Variants in CLOCK observed in about 807,000 individuals in gnomAD.
CLOCK encodes circadian locomoter output cycles protein kaput.
In CLOCK, 43 loss-of-function variants were observed where a neutral mutation model predicts 118.4. The ratio of observed to expected loss-of-function variants is 0.36; its 90% CI spans 0.28 to 0.47. The LOEUF (loss-of-function observed/expected upper bound fraction) is 0.47. Ranked by LOEUF, CLOCK falls within the 20% of genes least tolerant of loss-of-function variation. The probability of loss-of-function intolerance (pLI) is 1.00; values close to 1 mark genes in which losing one functional copy is unlikely to be tolerated. For missense variants in CLOCK, 846 were observed against 999.9 expected (o/e 0.85, Z 2.08); for synonymous variants, 326 against 339.2 (o/e 0.96, Z 0.43).
chr4:55,475,027 A>T (rs1315175095), intron 7 of CLOCK, among the ~76,000 whole-genome samples: 3 of 152,196 alleles, frequency 2.0e-5, no homozygotes, highest in Non-Finnish European at 4.4e-5. Context: ...TCCCATAGAT[A>T]GTGATTCATG....
At chr4:55,451,344 C>G (rs1724429961) in intron 15 of CLOCK, among the ~76,000 whole-genome samples, 1 of 152,180 alleles carries the variant, frequency 6.6e-6, no homozygotes, top group Non-Finnish European at 1.5e-5. Context: ...CACTGATACT[C>G]TTGTCTTCTA....
intron 1 of CLOCK, among the ~76,000 whole-genome samples, chr4:55,541,842 A>G (rs77602326): frequency 0.038 from 5,113 of 134,676 alleles, 101 homozygotes; most frequent in Non-Finnish European, 0.06. Flanking sequence ...CTAAAAGAAC[A>G]TAACAACTCC....
chr4:55,460,252 C>T (rs534000992), intron 9 of CLOCK, among the ~76,000 whole-genome samples: 1 of 152,292 alleles, frequency 6.6e-6, no homozygotes, highest in East Asian at 1.9e-4. Context: ...CTATTCCTAT[C>T]TCTTCTGCTA....
chr4:55,494,874 G>C (rs1431505891), intron 2 of CLOCK, among the ~76,000 whole-genome samples: 1 of 152,164 alleles, frequency 6.6e-6, no homozygotes, highest in Non-Finnish European at 1.5e-5. Flanking sequence ...CTGACACCTT[G>C]GGTTCAGGTC....
rs899952502 is a variant in CLOCK at position 55,431,413 on chromosome 4, T to C, written c.*4002A>G. The C allele has an allele frequency of 6.6e-6, 1 of 152,214 alleles. No individual in the cohort carries two copies. The highest frequency in any genetic ancestry group is 2.4e-5 in the African/African-American group (1 of 41,466). The allele number at this position is 152,214 out of a possible 1,614,324, so 9.4% of individuals were successfully genotyped here. A position where few individuals can be genotyped will look rare whatever the true frequency, so the allele number is the denominator to read the frequency against. ...AATAGTCGATTCTATTCCTTTGCAA[T>C]TACTTCAGAAGCTCCTTTTAGAAGA... On this transcript the variant is annotated 3_prime_UTR_variant, in exon 23 of 23. Coordinates refer to ENST00000513440, the MANE Select transcript of CLOCK (RefSeq NM_004898.4).
chr4:55,477,580 A>C (rs1453569622), intron 6 of CLOCK, among the ~76,000 whole-genome samples: 1 of 152,152 alleles, frequency 6.6e-6, no homozygotes, highest in Non-Finnish European at 1.5e-5. Context: ...AACTTGACAA[A>C]ATGAAAATAA....
chr4:55,491,209 T>G (rs1240323926), intron 2 of CLOCK, among the ~76,000 whole-genome samples: 1 of 44,706 alleles, frequency 2.2e-5, no homozygotes, highest in Non-Finnish European at 4.5e-5. Context: ...GCATTAAAAA[T>G]GAAGAAAGAT....
chr4:55,488,997 T>G (rs1247053567), intron 3 of CLOCK, among the ~76,000 whole-genome samples: 1 of 152,208 alleles, frequency 6.6e-6, no homozygotes, highest in Non-Finnish European at 1.5e-5. Flanking sequence ...CCTCCCAAAC[T>G]GCTAGGATTA....
chr4:55,467,848 T>C (rs942665811), intron 8 of CLOCK, among the ~76,000 whole-genome samples: 1 of 152,230 alleles, frequency 6.6e-6, no homozygotes, highest in African/African-American at 2.4e-5. Flanking sequence ...TCCTACTATT[T>C]GAGCTTACTA....
intron 3 of CLOCK, among the ~76,000 whole-genome samples, chr4:55,483,823 G>T (rs1025406636): frequency 1.3e-5 from 2 of 152,168 alleles, no homozygotes; most frequent in African/African-American, 4.8e-5. Flanking sequence ...TTACTATAAA[G>T]AGTCTCATAC....
chr4:55,489,145 G>A lies in CLOCK; in HGVS notation c.-44+229C>T, dbSNP rs138814381. On this transcript the variant is annotated intron_variant, in intron 3 of 22. Coordinates refer to ENST00000513440, the MANE Select transcript of CLOCK (RefSeq NM_004898.4). ...GTGTATTATTCTTCTTCTAGAAGGCGGTTCTCATGACAGCAGGGACAGCTT... is the reference window on the plus strand; with the variant it reads ...GTGTATTATTCTTCTTCTAGAAGGCAGTTCTCATGACAGCAGGGACAGCTT... Among the ~76,000 whole-genome samples, 38 of 152,264 alleles carry A rather than the reference G, an allele frequency of 2.5e-4. No individual in the cohort carries two copies. The East Asian group carries it at 4.8e-3, about 19-fold the overall frequency.
chr4:55,540,095 C>T (rs1421175930), intron 1 of CLOCK, among the ~76,000 whole-genome samples: 1 of 150,770 alleles, frequency 6.6e-6, no homozygotes, highest in Admixed American at 6.6e-5. Context: ...GCAACCTCTG[C>T]CTCCTGGGTT....
intron 11 of CLOCK, among the ~76,000 whole-genome samples, chr4:55,457,524 T>C (rs1454544478): frequency 2.0e-5 from 3 of 152,226 alleles, no homozygotes; most frequent in African/African-American, 4.8e-5. Context: ...TCAAATATTA[T>C]ATGACTTCCC....
chr4:55,517,276 C>A (rs113232306), intron 1 of CLOCK, among the ~76,000 whole-genome samples: 7 of 152,004 alleles, frequency 4.6e-5, no homozygotes, highest in African/African-American at 7.2e-5. Context: ...TTTGGGAGGC[C>A]GAGGTGGGCG....
At chr4:55,524,827 A>G (rs2110071534) in intron 1 of CLOCK, among the ~76,000 whole-genome samples, 1 of 152,302 alleles carries the variant, frequency 6.6e-6, no homozygotes, top group South Asian at 2.1e-4. Flanking sequence ...AAATTTCTAA[A>G]TTCTCAACTG....
intron 21 of CLOCK, among the ~76,000 whole-genome samples, chr4:55,439,165 CAACA>C (rs1577671318): frequency 6.6e-6 from 1 of 152,064 alleles, no homozygotes; most frequent in Non-Finnish European, 1.5e-5. Flanking sequence ...TTCAACTCAA[CAACA>C]ATCAACCCAA....
At chr4:55,467,714 T>C (rs1725828374) in intron 8 of CLOCK, among the ~76,000 whole-genome samples, 1 of 152,214 alleles carries the variant, frequency 6.6e-6, no homozygotes, top group Admixed American at 6.5e-5. Flanking sequence ...GAAAACAAAT[T>C]TTTTTAAGTT....
rs1724268599 is a variant in CLOCK, at chr4:55,449,907, GAAGAACTTA to G, written c.1348+175_1348+183del. Among the ~76,000 whole-genome samples the G allele has an allele frequency of 3.3e-5, 5 of 152,248 alleles. No homozygotes were observed. The South Asian group carries it at 1.0e-3, about 32-fold the overall frequency. On this transcript the variant is annotated intron_variant, in intron 16 of 22. Transcript: ENST00000513440. ...ACCTACACATTTTAATAGGCTACTT[GAAGAACTTA>G]ATTCTTTGCTGAAAGTGGGCAATGT... is the stretch of plus-strand genomic sequence containing the variant.
chr4:55,535,739 CT>C (rs758384802), intron 1 of CLOCK, among the ~76,000 whole-genome samples: 3,597 of 124,020 alleles, frequency 0.029, 57 homozygotes, highest in Middle Eastern at 0.052. Context: ...ATGGGAGAAT[CT>C]TTTTTTTTTT....
Sources: allele counts gnomAD v4.1 joint callset (sites outside exome capture counted in the v4.1 genomes callset), GRCh38; gene constraint gnomAD v4.1.1; transcripts MANE v1.5; gene names NCBI Gene and HGNC (gene_info 2026-07-23, HGNC 2026-07-21).